RALGAPA2: variants seen among roughly 807,000 people sequenced by gnomAD.
RALGAPA2 encodes ral GTPase-activating protein subunit alpha-2.
In RALGAPA2, 139 loss-of-function variants were observed where a neutral mutation model predicts 230.4. The ratio of observed to expected loss-of-function variants is 0.60; its 90% CI spans 0.53 to 0.69. RALGAPA2 has a LOEUF of 0.69. Among genes scored for constraint, RALGAPA2 ranks in the 30% least tolerant of loss-of-function variants. The probability of loss-of-function intolerance (pLI) is 0.00; values close to 1 mark genes in which losing one functional copy is unlikely to be tolerated. For missense variants in RALGAPA2, 2,163 were observed against 2,276.0 expected (o/e 0.95, Z 1.01); for synonymous variants, 847 against 837.8 (o/e 1.01, Z -0.19).
At chr20:20,447,536 T>C (rs2060890887) in intron 37 of RALGAPA2, among the ~76,000 whole-genome samples, 1 of 152,188 alleles carries the variant, frequency 6.6e-6, no homozygotes, top group Non-Finnish European at 1.5e-5. Flanking sequence ...TCACAGCACC[T>C]GTGCACAGAT....
At chr20:20,597,772 G>C (rs1305369541) in intron 16 of RALGAPA2, among the ~76,000 whole-genome samples, 2 of 152,102 alleles carry the variant, frequency 1.3e-5, no homozygotes, top group Non-Finnish European at 2.9e-5. Context: ...CCGGGAAGCA[G>C]AGGTTGCAGT....
intron 38 of RALGAPA2, among the ~76,000 whole-genome samples, chr20:20,404,698 C>T (rs2122705595): frequency 6.6e-6 from 1 of 152,364 alleles, no homozygotes; most frequent in East Asian, 1.9e-4. Context: ...TACCTGCCAG[C>T]CATCTCTTGG....
At chr20:20,416,892 A>G (rs146430571) in intron 37 of RALGAPA2, among the ~76,000 whole-genome samples, 1 of 152,194 alleles carries the variant, frequency 6.6e-6, no homozygotes, top group Non-Finnish European at 1.5e-5. Context: ...TCAGACTGGC[A>G]AAGTGGCCCC....
chr20:20,680,804 G>A lies in RALGAPA2; in HGVS notation c.107-3C>T, dbSNP rs1177681818. On this transcript the variant is annotated splice_polypyrimidine_tract_variant and splice_region_variant and intron_variant, in intron 1 of 39. Transcript: ENST00000202677. The stretch of plus-strand genomic sequence containing the variant: ...AAGATCATTTGCATCCACATTATCT[G>A]AAAAGAAAAAGTTTCCATTTATGAC... 1 of 1,560,210 alleles carries A rather than the reference G, an allele frequency of 6.4e-7. No individual in the cohort carries two copies. Among genetic ancestry groups the A allele is most frequent in the Non-Finnish European group, 8.6e-7 (1 of 1,160,872 alleles).
chr20:20,440,519 T>C (rs1412237243), intron 37 of RALGAPA2, among the ~76,000 whole-genome samples: 2 of 152,224 alleles, frequency 1.3e-5, no homozygotes, highest in African/African-American at 4.8e-5. Context: ...TTTTCTTTCA[T>C]CCTAATTGCG....
Position 20,571,870 on chromosome 20 carries a change from A to C in RALGAPA2, c.2978T>G (p.Met993Arg). Reference sequence around the variant, plus strand: ...TGCCTTAAACAGCCATGATGCAAACATTCTGAGTGGTGGGATCAAAACTGG... The same window carrying C: ...TGCCTTAAACAGCCATGATGCAAACCTTCTGAGTGGTGGGATCAAAACTGG... ...SPPVLIPPLR[M>R]FASWLFKAAT... Residue 993 changes from methionine (M) to arginine (R), a missense_variant, in exon 22 of 40, where the codon ATG becomes AGG. Coordinates refer to ENST00000202677, the MANE Select transcript of RALGAPA2 (RefSeq NM_020343.4). 6.2e-7 allele frequency: 1 copy of C among 1,611,222 alleles called. No homozygotes were observed. The highest frequency in any genetic ancestry group is 8.5e-7 in the Non-Finnish European group (1 of 1,178,226).
rs538608338 is a variant in RALGAPA2, at chr20:20,589,864, T to G, written c.2342-499A>C. ...GATCATAAGAGGATTTTATGAATAA[T>G]CTGGGGGCAATAAATTTGAAAAAAA... On this transcript the variant is annotated intron_variant, in intron 17 of 39. Coordinates refer to ENST00000202677, the MANE Select transcript of RALGAPA2 (RefSeq NM_020343.4). Among the ~76,000 whole-genome samples, 3 of 150,484 alleles carry G rather than the reference T, an allele frequency of 2.0e-5. No individual in the cohort carries two copies. The South Asian group carries it at 6.3e-4, about 32-fold the overall frequency.
intron 4 of RALGAPA2, among the ~76,000 whole-genome samples, chr20:20,646,570 T>A (rs911856150): frequency 2.0e-5 from 3 of 152,222 alleles, no homozygotes; most frequent in African/African-American, 7.2e-5. Context: ...GAATTTCTAA[T>A]TTCTATTGGC....
At chr20:20,445,239 TG>T (rs1167782584) in intron 37 of RALGAPA2, among the ~76,000 whole-genome samples, 1 of 152,206 alleles carries the variant, frequency 6.6e-6, no homozygotes, top group Non-Finnish European at 1.5e-5. Flanking sequence ...GGGAAGCTAC[TG>T]TAACTTGAGA....
At chr20:20,413,140 A>G (rs2060095998) in intron 37 of RALGAPA2, among the ~76,000 whole-genome samples, 1 of 152,234 alleles carries the variant, frequency 6.6e-6, no homozygotes, top group African/African-American at 2.4e-5. Context: ...AATCATGCTA[A>G]TTCTCCGGGA....
At chr20:20,488,836 C>A (rs2061978290) in intron 36 of RALGAPA2, among the ~76,000 whole-genome samples, 1 of 152,204 alleles carries the variant, frequency 6.6e-6, no homozygotes, top group Non-Finnish European at 1.5e-5. Flanking sequence ...GAGAGTGGGA[C>A]CCCCAGCCCT....
intron 2 of RALGAPA2, 35 bp downstream of exon 2, chr20:20,680,656 A>T (rs2068486413): frequency 1.3e-6 from 2 of 1,501,580 alleles, no homozygotes; most frequent in Non-Finnish European, 1.8e-6. Context: ...AAAATGCCCG[A>T]ATGTTTTTTA....
chr20:20,521,636 T>C (rs1798556450), intron 30 of RALGAPA2, among the ~76,000 whole-genome samples: 1 of 152,248 alleles, frequency 6.6e-6, no homozygotes, highest in African/African-American at 2.4e-5. Flanking sequence ...TTGCAGTTGA[T>C]TGAAGATCTA....
intron 36 of RALGAPA2, among the ~76,000 whole-genome samples, chr20:20,486,178 A>T (rs2061905050): frequency 6.6e-6 from 1 of 151,572 alleles, no homozygotes; most frequent in Non-Finnish European, 1.5e-5. Flanking sequence ...TTTTACTTAT[A>T]TTTCTTCCTT....
chr20:20,559,667 A>G (rs1177471706), intron 23 of RALGAPA2, among the ~76,000 whole-genome samples: 2 of 150,424 alleles, frequency 1.3e-5, no homozygotes, highest in African/African-American at 4.9e-5. Context: ...CCTAAAAACA[A>G]CTTTTTTTTT....
chr20:20,603,993 T>C (rs1002218539), intron 15 of RALGAPA2, among the ~76,000 whole-genome samples: 1 of 152,212 alleles, frequency 6.6e-6, no homozygotes, highest in Non-Finnish European at 1.5e-5. Context: ...AGTGATTGAA[T>C]TGTTTTTACC....
At chr20:20,431,088 C>T (rs556294944) in intron 37 of RALGAPA2, among the ~76,000 whole-genome samples, 2 of 151,992 alleles carry the variant, frequency 1.3e-5, no homozygotes, top group Non-Finnish European at 2.9e-5. Context: ...TGGAGCGAGT[C>T]CCCCTGAAGC....
intron 23 of RALGAPA2, among the ~76,000 whole-genome samples, 195 bp downstream of exon 23, chr20:20,571,263 T>C (rs1291108948): frequency 6.6e-6 from 1 of 152,084 alleles, no homozygotes; most frequent in Admixed American, 6.5e-5. Context: ...GCAAAGTCAG[T>C]GGGGAGAAGA....
chr20:20,500,501 TATC>T (rs1214202060), intron 35 of RALGAPA2, among the ~76,000 whole-genome samples: 1 of 152,262 alleles, frequency 6.6e-6, no homozygotes, highest in East Asian at 1.9e-4. Flanking sequence ...AGTCAAATTT[TATC>T]ATGACATTGC....
Sources: allele counts gnomAD v4.1 joint callset (sites outside exome capture counted in the v4.1 genomes callset), GRCh38; gene constraint gnomAD v4.1.1; transcripts MANE v1.5; gene names NCBI Gene and HGNC (gene_info 2026-07-23, HGNC 2026-07-21).